KCNH7: variants seen among roughly 807,000 people sequenced by gnomAD.
KCNH7 encodes voltage-gated inwardly rectifying potassium channel KCNH7.
KCNH7 carries 49 observed loss-of-function variants against 120.8 expected under a neutral mutation model. The observed-to-expected ratio is 0.41, with a 90% CI of 0.32 to 0.51. KCNH7 has a LOEUF of 0.51. KCNH7 is among the 20% of genes least tolerant of loss of function. The pLI is 0.38. For missense variants in KCNH7, 1,097 were observed against 1,446.6 expected, an observed-to-expected ratio of 0.76 and a Z score of 3.92; for synonymous variants, 547 against 516.1, an observed-to-expected ratio of 1.06 and a Z score of -0.81.
In KCNH7 at chr2:162,625,485, G is replaced by A. The variant is rs192950706; in HGVS notation, c.308-88405C>T. ...CTAGTAGGGGGTGAACAGACTAGCA[G>A]GGGAGGAAGCATTTTAGGGGTACAG... is the stretch of plus-strand genomic sequence containing the variant. On this transcript the variant is annotated intron_variant, in intron 2 of 15. Transcript: ENST00000332142. Among the ~76,000 whole-genome samples the A allele has an allele frequency of 2.0e-3, 302 of 152,286 alleles. 1 individual carries two copies. Among genetic ancestry groups the A allele is most frequent in the African/African-American group, 6.8e-3 (283 of 41,566 alleles).
chr2:162,590,161 T>C (rs1694162542), intron 2 of KCNH7, among the ~76,000 whole-genome samples: 1 of 151,984 alleles, frequency 6.6e-6, no homozygotes, highest in Non-Finnish European at 1.5e-5. Flanking sequence ...AAATAATTGG[T>C]TTTTAGAGCC....
chr2:162,400,517 T>G (rs1233366971), intron 9 of KCNH7, 76 bp from the exon 10 acceptor site: 43 of 1,467,322 alleles, frequency 2.9e-5, no homozygotes, highest in Non-Finnish European at 3.9e-5. Context: ...AATTTCTTGC[T>G]CACAGAACTG....
intron 14 of KCNH7, among the ~76,000 whole-genome samples, chr2:162,375,321 A>G (rs930178593): frequency 1.3e-5 from 2 of 152,228 alleles, no homozygotes; most frequent in African/African-American, 4.8e-5. Context: ...GTCAAAAATT[A>G]TCGTGATGTT....
intron 6 of KCNH7, among the ~76,000 whole-genome samples, chr2:162,482,646 A>G (rs1371616564): frequency 2.6e-5 from 4 of 152,190 alleles, no homozygotes; most frequent in African/African-American, 7.2e-5. Flanking sequence ...GAATCAAGGT[A>G]TGTGTCAGGT....
chr2:162,552,567 C>A (rs1692706436), intron 2 of KCNH7, among the ~76,000 whole-genome samples: 1 of 152,158 alleles, frequency 6.6e-6, no homozygotes, highest in Admixed American at 6.5e-5. Flanking sequence ...TAGACTCCCA[C>A]AATTAGTTTA....
chr2:162,513,194 CTCCT>C (rs1408661946), intron 4 of KCNH7, among the ~76,000 whole-genome samples: 1,092 of 67,770 alleles, frequency 0.016, 25 homozygotes, highest in African/African-American at 0.048. Flanking sequence ...CCCTCCCTCC[CTCCT>C]TCCCTTCCTC....
At chr2:162,442,403 C>T (rs1688452715) in intron 7 of KCNH7, among the ~76,000 whole-genome samples, 1 of 151,932 alleles carries the variant, frequency 6.6e-6, no homozygotes, top group Admixed American at 6.6e-5. Flanking sequence ...ACATAGATTA[C>T]ATAATATAGA....
At chr2:162,536,860 T>A in intron 3 of KCNH7, 65 bp downstream of exon 3, 1 of 1,298,494 alleles carries the variant, frequency 7.7e-7, no homozygotes, top group South Asian at 1.5e-5. Context: ...AAATGAAGAC[T>A]GTATTAAAGT....
intron 2 of KCNH7, among the ~76,000 whole-genome samples, chr2:162,629,710 A>G (rs1373912765): frequency 6.6e-6 from 1 of 152,126 alleles, no homozygotes; most frequent in African/African-American, 2.4e-5. Context: ...ACGTCATGTT[A>G]GTAGCTTGAA....
chr2:162,577,394 T>C (rs866546369), intron 2 of KCNH7, among the ~76,000 whole-genome samples: 41 of 147,600 alleles, frequency 2.8e-4, no homozygotes, highest in Admixed American at 8.5e-4. Flanking sequence ...TCTATCTATC[T>C]ATCCATCTAT....
chr2:162,493,732 T>A (rs1690403555), intron 6 of KCNH7, among the ~76,000 whole-genome samples: 1 of 152,196 alleles, frequency 6.6e-6, no homozygotes, highest in African/African-American at 2.4e-5. Context: ...TTGAGACTAC[T>A]GAAAATAGAT....
At chr2:162,724,684 AG>A (rs1687456351) in intron 2 of KCNH7, among the ~76,000 whole-genome samples, 1 of 151,380 alleles carries the variant, frequency 6.6e-6, no homozygotes, top group African/African-American at 2.4e-5. Context: ...AAAAAAAAAA[AG>A]AATATACTGT....
At chr2:162,505,746 C>T (rs1385484424) in intron 5 of KCNH7, among the ~76,000 whole-genome samples, 1 of 151,880 alleles carries the variant, frequency 6.6e-6, no homozygotes, top group Admixed American at 6.6e-5. Flanking sequence ...TTAAAACATA[C>T]AAATTCCATC....
intron 2 of KCNH7, among the ~76,000 whole-genome samples, chr2:162,679,651 T>A (rs899713269): frequency 7.9e-5 from 12 of 151,690 alleles, no homozygotes; most frequent in Non-Finnish European, 1.5e-4. Flanking sequence ...TATATCATTA[T>A]CTTATTTCTT....
intron 2 of KCNH7, among the ~76,000 whole-genome samples, chr2:162,642,722 C>T (rs113786315): frequency 1.1e-4 from 17 of 152,298 alleles, no homozygotes; most frequent in African/African-American, 3.4e-4. Context: ...AAGCCACAGA[C>T]GTGCTTTAGG....
chr2:162,825,539 G>T (rs1685250715), intron 2 of KCNH7, among the ~76,000 whole-genome samples: 1 of 151,888 alleles, frequency 6.6e-6, no homozygotes, highest in Non-Finnish European at 1.5e-5. Flanking sequence ...AAAGTTTTAA[G>T]ATAGACATAC....
intron 2 of KCNH7, among the ~76,000 whole-genome samples, chr2:162,653,067 G>A (rs1684623599): frequency 6.6e-6 from 1 of 152,152 alleles, no homozygotes; most frequent in African/African-American, 2.4e-5. Context: ...GGAAACTGAG[G>A]CTTAAGGGAA....
At chr2:162,571,024 T>C (rs10201469) in intron 2 of KCNH7, among the ~76,000 whole-genome samples, 84,787 of 151,332 alleles carry the variant, frequency 0.56, 24,272 homozygotes, top group Admixed American at 0.67. Context: ...CTATTCAACA[T>C]AGTGTTGGAA....
chr2:162,819,058 CAAG>C (rs1380458624), intron 2 of KCNH7, among the ~76,000 whole-genome samples: 1 of 152,022 alleles, frequency 6.6e-6, no homozygotes, highest in East Asian at 1.9e-4. Flanking sequence ...TCATGAAAGA[CAAG>C]AAGAGCTGCA....
Sources: gnomAD v4.1 joint callset for allele counts (sites outside exome capture counted in the v4.1 genomes callset) on GRCh38, gnomAD v4.1.1 for gene constraint, MANE v1.5 for transcripts, NCBI Gene and HGNC (gene_info 2026-07-23, HGNC 2026-07-21) for gene names.